Variants in CCDC6 observed in about 807,000 individuals in gnomAD.
The protein encoded by CCDC6 is coiled-coil domain-containing protein 6.
Under a neutral mutation model 56.6 loss-of-function variants are expected in CCDC6, and 20 were observed. The ratio of observed to expected loss-of-function variants is 0.35; its 90% confidence interval spans 0.25 to 0.51. CCDC6 has a LOEUF of 0.51. Ranked by LOEUF, CCDC6 falls within the 20% of genes least tolerant of loss-of-function variation. The probability of loss-of-function intolerance (pLI) is 0.95; values close to 1 mark genes in which losing one functional copy is unlikely to be tolerated. For missense variants in CCDC6, 367 were observed against 601.1 expected, an observed-to-expected ratio of 0.61 and a Z score of 4.07; for synonymous variants, 241 against 234.4, an observed-to-expected ratio of 1.03 and a Z score of -0.26.
intron 1 of CCDC6, among the ~76,000 whole-genome samples, chr10:59,855,838 C>T (rs2071077391): frequency 1.3e-5 from 2 of 152,178 alleles, no homozygotes; most frequent in South Asian, 2.1e-4. Flanking sequence ...GTTTCCTTTG[C>T]ATTTCTTCCC....
At chr10:59,811,892 C>T (rs2070675414) in intron 5 of CCDC6, among the ~76,000 whole-genome samples, 2 of 151,926 alleles carry the variant, frequency 1.3e-5, no homozygotes, top group African/African-American at 2.4e-5. Context: ...GTTCAAGGGT[C>T]AACTGTATGT....
intron 1 of CCDC6, among the ~76,000 whole-genome samples, chr10:59,890,779 C>T (rs965482107): frequency 1.4e-4 from 21 of 151,864 alleles, no homozygotes; most frequent in Non-Finnish European, 3.1e-4. Context: ...ATGTGCACAA[C>T]GTGCAGGTTT....
chr10:59,798,053 C>G (rs1564736670), intron 7 of CCDC6, among the ~76,000 whole-genome samples: 1 of 152,200 alleles, frequency 6.6e-6, no homozygotes, highest in African/African-American at 2.4e-5. Flanking sequence ...TGGGGAATTA[C>G]TTGTTTTATC....
chr10:59,842,076 T>C (rs2070944612), intron 2 of CCDC6, among the ~76,000 whole-genome samples: 1 of 152,080 alleles, frequency 6.6e-6, no homozygotes, highest in Admixed American at 6.6e-5. Context: ...GGAGTCTCCC[T>C]CTGTTGCCCA....
intron 1 of CCDC6, among the ~76,000 whole-genome samples, chr10:59,878,526 C>T (rs183810983): frequency 1.3e-4 from 20 of 152,276 alleles, no homozygotes; most frequent in African/African-American, 3.9e-4. Flanking sequence ...CTGCAGTTTA[C>T]GGATAAGGCT....
intron 3 of CCDC6, among the ~76,000 whole-genome samples, chr10:59,830,708 A>T (rs984540562): frequency 6.6e-6 from 1 of 152,210 alleles, no homozygotes; most frequent in South Asian, 2.1e-4. Context: ...AAAGAGGTTC[A>T]GCTACTAAAG....
At chr10:59,814,993 C>T (rs1416681097) in intron 3 of CCDC6, among the ~76,000 whole-genome samples, 1 of 152,110 alleles carries the variant, frequency 6.6e-6, no homozygotes, top group East Asian at 1.9e-4. Context: ...TTGCTTGTTT[C>T]AGCATTTATT....
chr10:59,824,580 G>A (rs1420509863), intron 3 of CCDC6, among the ~76,000 whole-genome samples: 1 of 152,080 alleles, frequency 6.6e-6, no homozygotes, highest in East Asian at 1.9e-4. Context: ...GTCTCCAATA[G>A]AGCTTATCTA....
chr10:59,903,871 C>T (rs1474229412), intron 1 of CCDC6, among the ~76,000 whole-genome samples: 1 of 152,174 alleles, frequency 6.6e-6, no homozygotes, highest in Admixed American at 6.5e-5. Flanking sequence ...ACATAAATTT[C>T]TCCTCCCGCA....
intron 2 of CCDC6, among the ~76,000 whole-genome samples, chr10:59,842,924 C>T (rs2132650586): frequency 6.6e-6 from 1 of 152,016 alleles, no homozygotes; most frequent in South Asian, 2.1e-4. Context: ...CGGCTAATTG[C>T]TTGTATTTTT....
chr10:59,871,393 C>A (rs181256619), intron 1 of CCDC6, among the ~76,000 whole-genome samples: 1 of 147,958 alleles, frequency 6.8e-6, no homozygotes, highest in African/African-American at 2.5e-5. Context: ...ACACAAATCT[C>A]GGAGGGACTG....
intron 2 of CCDC6, among the ~76,000 whole-genome samples, chr10:59,836,161 T>C (rs2070881177): frequency 6.6e-6 from 1 of 151,160 alleles, no homozygotes. Context: ...GAGGCAAATG[T>C]GTGCATAGGG....
At chr10:59,835,824 G>A (rs893114717) in intron 2 of CCDC6, among the ~76,000 whole-genome samples, 26 of 152,092 alleles carry the variant, frequency 1.7e-4, no homozygotes, top group East Asian at 1.2e-3. Context: ...TTTAGAGGCC[G>A]AAGCAAGAGG....
intron 4 of CCDC6, among the ~76,000 whole-genome samples, chr10:59,813,330 C>T (rs186382474): frequency 6.6e-6 from 1 of 152,242 alleles, no homozygotes; most frequent in Admixed American, 6.5e-5. Flanking sequence ...TTGGCCACAG[C>T]AAAGGTAAAA....
At chr10:59,888,575 C>T (rs569477375) in intron 1 of CCDC6, among the ~76,000 whole-genome samples, 22 of 152,234 alleles carry the variant, frequency 1.4e-4, no homozygotes, top group African/African-American at 5.1e-4. Flanking sequence ...AGCCTAAGGG[C>T]ACAGGGCTTA....
chr10:59,811,909 A>G (rs549369388), intron 5 of CCDC6, among the ~76,000 whole-genome samples: 1 of 152,308 alleles, frequency 6.6e-6, no homozygotes, highest in South Asian at 2.1e-4. Context: ...ATGTGTATAA[A>G]TAAGTTTATA....
chr10:59,794,355 C>T (rs1386159507), intron 8 of CCDC6, 118 bp downstream of exon 8: 35 of 969,472 alleles, frequency 3.6e-5, no homozygotes, highest in Middle Eastern at 2.9e-4. Context: ...TCAAGGTGAA[C>T]GGATGGAGGA....
chr10:59,890,979 T>A (rs1171821), intron 1 of CCDC6, among the ~76,000 whole-genome samples: 1 of 152,068 alleles, frequency 6.6e-6, no homozygotes, highest in African/African-American at 2.4e-5. Flanking sequence ...TGAGAACATG[T>A]GGTGTTTGGT....
chr10:59,905,562 G>A (rs973018591), intron 1 of CCDC6, among the ~76,000 whole-genome samples: 6 of 152,162 alleles, frequency 3.9e-5, no homozygotes, highest in African/African-American at 7.2e-5. Flanking sequence ...CTTCCCTCTC[G>A]ATCCCGGCCA....
Sources: gnomAD v4.1 joint callset for allele counts (sites outside exome capture counted in the v4.1 genomes callset) on GRCh38, gnomAD v4.1.1 for gene constraint, MANE v1.5 for transcripts, NCBI Gene and HGNC (gene_info 2026-07-23, HGNC 2026-07-21) for gene names.